Variants in GNG7 observed in about 807,000 individuals in gnomAD.
GNG7 encodes guanine nucleotide-binding protein G(I)/G(S)/G(O) subunit gamma-7.
Under a neutral mutation model 4.0 loss-of-function variants are expected in GNG7, and 1 was observed. The observed-to-expected ratio is 0.25, with a 90% CI of 0.09 to 1.18. The LOEUF (loss-of-function observed/expected upper bound fraction) is 1.18. GNG7 is among the 50% of genes most tolerant of loss of function. The pLI is 0.50. For missense variants in GNG7, 86 were observed against 91.9 expected (o/e 0.94, Z 0.26); for synonymous variants, 34 against 36.9 (o/e 0.92, Z 0.29).
chr19:2,598,675 T>G (rs1459743531), intron 2 of GNG7, among the ~76,000 whole-genome samples: 4 of 93,390 alleles, frequency 4.3e-5, no homozygotes, highest in African/African-American at 1.7e-4. Context: ...TGAAAAGTAA[T>G]AAAATAATAA....
intron 1 of GNG7, among the ~76,000 whole-genome samples, chr19:2,685,343 G>C (rs1049554288): frequency 3.3e-5 from 5 of 151,914 alleles, no homozygotes; most frequent in African/African-American, 1.2e-4. Context: ...TGAAGAGAAG[G>C]CTGGGTGCAG....
At chr19:2,580,342 G>C (rs1291131044) in intron 2 of GNG7, among the ~76,000 whole-genome samples, 6 of 150,982 alleles carry the variant, frequency 4.0e-5, no homozygotes, top group African/African-American at 1.5e-4. Flanking sequence ...CCAGGCTGGA[G>C]TGCAGTGGTG....
rs1317907538 is a variant in GNG7 at position 2,618,549 on chromosome 19, A to T, written c.-78+27675T>A. Among the ~76,000 whole-genome samples, 1 of 151,784 alleles carries T rather than the reference A, an allele frequency of 6.6e-6. No individual in the cohort carries two copies. The highest frequency in any genetic ancestry group is 1.5e-5 in the Non-Finnish European group (1 of 67,970). ...TTTTCAGTGGAGACGGGGTTTCGCC[A>T]TGTTGTCCAGGCTGGTCTCGAACTC... On this transcript the variant is annotated intron_variant, in intron 2 of 4. Transcript: ENST00000382159. The surrounding 1 kb of genome is among the most constrained non-coding windows in gnomAD (Gnocchi z 5.1).
At chr19:2,593,928 CAA>C (rs59658349) in intron 2 of GNG7, among the ~76,000 whole-genome samples, 2 of 134,596 alleles carry the variant, frequency 1.5e-5, no homozygotes, top group African/African-American at 2.8e-5. Context: ...TATTTGATGC[CAA>C]AAAAAAAAAA....
Position 2,511,691 on chromosome 19 carries a change from A to G in GNG7, c.*3331T>C. ...AGATGGATGCGTGGCCTGGAGGCCT[A>G]GCGTTGCGCCTCGGACACGGTGGCC... On this transcript the variant is annotated 3_prime_UTR_variant, in exon 5 of 5. Coordinates refer to ENST00000382159, the MANE Select transcript of GNG7 (RefSeq NM_052847.3). This position sits in a 1 kb window ranked among gnomAD's most constrained non-coding sequence, Gnocchi z 6.3. The G allele has an allele frequency of 1.8e-6, 1 of 559,734 alleles. No individual in the cohort carries two copies. The highest frequency in any genetic ancestry group is 7.8e-5 in the South Asian group (1 of 12,884). 34.7% of individuals were successfully genotyped at this position (559,734 alleles called of 1,614,324 possible).
chr19:2,561,342 G>T (rs1163868288), intron 2 of GNG7, among the ~76,000 whole-genome samples: 1 of 152,146 alleles, frequency 6.6e-6, no homozygotes, highest in Admixed American at 6.5e-5. Flanking sequence ...ACCCTGCAGT[G>T]CCCAGGTTGG....
intron 2 of GNG7, among the ~76,000 whole-genome samples, chr19:2,635,652 G>A (rs149461055): frequency 2.5e-3 from 382 of 150,168 alleles, no homozygotes; most frequent in African/African-American, 8.9e-3. Flanking sequence ...GTGCAATCTC[G>A]GCTCACTGCA....
At chr19:2,678,768 T>C (rs1475494867) in intron 1 of GNG7, among the ~76,000 whole-genome samples, 1 of 152,092 alleles carries the variant, frequency 6.6e-6, no homozygotes, top group Non-Finnish European at 1.5e-5. Flanking sequence ...CTCTCAGAGC[T>C]AGGAGTGGCC....
rs553486635 is a variant in GNG7, at chr19:2,609,518, G to A, written c.-78+36706C>T. Among the ~76,000 whole-genome samples the A allele has an allele frequency of 6.6e-6, 1 of 152,204 alleles. No individual in the cohort carries two copies. The highest frequency in any genetic ancestry group is 1.9e-4 in the East Asian group (1 of 5,178). On this transcript the variant is annotated intron_variant, in intron 2 of 4. Coordinates refer to ENST00000382159, the MANE Select transcript of GNG7 (RefSeq NM_052847.3). This position sits in a 1 kb window ranked among gnomAD's most constrained non-coding sequence, Gnocchi z 4.4. ...GCTGGAGGACCTCAGGCTCTCTTCC[G>A]TGAGCCTTATTTTGGCCATTGCTGG...
At chr19:2,580,045 A>AC (rs919510516) in intron 2 of GNG7, among the ~76,000 whole-genome samples, 10 of 150,164 alleles carry the variant, frequency 6.7e-5, no homozygotes, top group Middle Eastern at 3.4e-3. Context: ...AAACCATTGC[A>AC]CCCCCCCAGT....
intron 3 of GNG7, among the ~76,000 whole-genome samples, chr19:2,529,086 G>T (rs920091445): frequency 2.0e-5 from 3 of 152,212 alleles, no homozygotes; most frequent in African/African-American, 7.2e-5. Flanking sequence ...GCCCCCCACC[G>T]CCGGCCCTGG....
chr19:2,540,352 A>G (rs1318630537), intron 3 of GNG7, among the ~76,000 whole-genome samples: 1 of 150,364 alleles, frequency 6.7e-6, no homozygotes, highest in Non-Finnish European at 1.5e-5. Context: ...GGGTCTCACT[A>G]TGTTGTCCAG....
At chr19:2,566,705 G>C (rs62123668) in intron 2 of GNG7, among the ~76,000 whole-genome samples, 50,340 of 152,012 alleles carry the variant, frequency 0.33, 9,326 homozygotes, top group South Asian at 0.51. Context: ...GGGTCAGATG[G>C]TCTCTGTTGC....
At chr19:2,673,802 CT>C (rs1983527564) in intron 1 of GNG7, among the ~76,000 whole-genome samples, 1 of 151,786 alleles carries the variant, frequency 6.6e-6, no homozygotes, top group African/African-American at 2.4e-5. Context: ...AAATTTCTTT[CT>C]TTCTTTTTTT....
chr19:2,640,305 C>T (rs1335155317), intron 2 of GNG7, among the ~76,000 whole-genome samples: 1 of 152,038 alleles, frequency 6.6e-6, no homozygotes, highest in Admixed American at 6.6e-5. Context: ...AAAAGAGAGA[C>T]ATTCCAAAAG....
chr19:2,607,854 GC>G (rs1260160849), intron 2 of GNG7, among the ~76,000 whole-genome samples: 2 of 152,060 alleles, frequency 1.3e-5, no homozygotes, highest in African/African-American at 4.8e-5. Context: ...CAACGACACG[GC>G]ACGGAGGCTT....
At chr19:2,644,872 T>C (rs931464449) in intron 2 of GNG7, among the ~76,000 whole-genome samples, 8 of 152,172 alleles carry the variant, frequency 5.3e-5, no homozygotes, top group Admixed American at 2.6e-4. Flanking sequence ...CATTCACCCA[T>C]TGATGGACAT....
chr19:2,564,110 T>C (rs150916336), intron 2 of GNG7, among the ~76,000 whole-genome samples: 68 of 152,212 alleles, frequency 4.5e-4, no homozygotes, highest in African/African-American at 1.5e-3. Context: ...AGAATGTGTA[T>C]TGAATGCAGT....
intron 4 of GNG7, among the ~76,000 whole-genome samples, 192 bp from the exon 5 acceptor site, chr19:2,515,339 A>C (rs1261039952): frequency 6.6e-6 from 1 of 152,176 alleles, no homozygotes; most frequent in East Asian, 1.9e-4. Flanking sequence ...TGAGGCTCTG[A>C]CATAGGCCAC....
Sources: allele counts gnomAD v4.1 joint callset (sites outside exome capture counted in the v4.1 genomes callset), GRCh38; gene constraint gnomAD v4.1.1; non-coding constraint Gnocchi (gnomAD v3.1); transcripts MANE v1.5; gene names NCBI Gene and HGNC (gene_info 2026-07-23, HGNC 2026-07-21).